The following RANBP2 variants were observed in gnomAD, a reference collection of about 807,000 sequenced individuals.
The protein encoded by RANBP2 is RAN binding protein 2, also known as E3 SUMO-protein ligase RanBP2.
In RANBP2, 57 loss-of-function variants were observed where a neutral mutation model predicts 303.6. The ratio of observed to expected loss-of-function variants is 0.19; its 90% CI spans 0.15 to 0.23. The LOEUF (loss-of-function observed/expected upper bound fraction) is 0.23. RANBP2 is among the 10% of genes least tolerant of loss of function. The probability of loss-of-function intolerance (pLI) is 1.00; values close to 1 mark genes in which losing one functional copy is unlikely to be tolerated. For synonymous variants in RANBP2, 1,167 were observed against 1,301.5 expected (o/e 0.90, Z 2.23); for missense variants, 3,138 against 3,780.8 (o/e 0.83, Z 4.46).
the RANBP2 span, among the ~76,000 whole-genome samples, chr2:109,340,657 C>T: frequency 2.0e-5 from 3 of 152,144 alleles, no homozygotes; most frequent in African/African-American, 7.2e-5. Flanking sequence ...AGCAAGTAGT[C>T]AATGATCATT....
the RANBP2 span, among the ~76,000 whole-genome samples, chr2:109,096,123 C>A: frequency 6.6e-6 from 1 of 152,100 alleles, no homozygotes; most frequent in Admixed American, 6.6e-5. Context: ...GTGTTTTACA[C>A]CTCTGATATT....
At chr2:109,394,057 C>CCCCA in the RANBP2 span, among the ~76,000 whole-genome samples, 1 of 152,130 alleles carries the variant, frequency 6.6e-6, no homozygotes, top group Non-Finnish European at 1.5e-5. Context: ...TTCAACCCAG[C>CCCCA]CCCACCCTCG....
chr2:108,912,851 G>A, the RANBP2 span: 1 of 1,131,206 alleles, frequency 8.8e-7, no homozygotes. Context: ...CTGGATTCAT[G>A]ATCATGAATG....
chr2:109,106,071 T>C, the RANBP2 span, among the ~76,000 whole-genome samples: 7 of 150,294 alleles, frequency 4.7e-5, no homozygotes, highest in Admixed American at 4.0e-4. Flanking sequence ...CCGTGTTAGC[T>C]AAGATGGTCT....
At chr2:109,611,727 A>G in the RANBP2 span, among the ~76,000 whole-genome samples, 3 of 152,178 alleles carry the variant, frequency 2.0e-5, no homozygotes, top group African/African-American at 4.8e-5. Context: ...TCTTGGCACC[A>G]CTGCACTCTA....
At chr2:109,170,298 TCTTCTCTTCTCTTCTCTC>T in the RANBP2 span, among the ~76,000 whole-genome samples, 1,012 of 130,470 alleles carry the variant, frequency 7.8e-3, 31 homozygotes, top group African/African-American at 0.027. Context: ...TCTTCTCTTC[TCTTCTCTTCTCTTCTCTC>T]CTCTCTCTCT....
the RANBP2 span, among the ~76,000 whole-genome samples, chr2:109,674,635 T>A: frequency 1.3e-5 from 2 of 151,972 alleles, no homozygotes; most frequent in African/African-American, 4.8e-5. Context: ...TAAAATAACC[T>A]GCTAAAATTA....
chr2:109,613,314 T>A, the RANBP2 span: 3 of 501,026 alleles, frequency 6.0e-6, no homozygotes, highest in African/African-American at 2.0e-5. Flanking sequence ...AAAATCCCAA[T>A]GGAGGAAAAC....
At chr2:108,937,488 T>TATGTGTATGTGTATGAATGTATGC in the RANBP2 span, among the ~76,000 whole-genome samples, 1 of 151,976 alleles carries the variant, frequency 6.6e-6, no homozygotes, top group East Asian at 1.9e-4. Context: ...TGCATAAGAG[T>TATGTGTATGTGTATGAATGTATGC]ATGTGTATGT....
the RANBP2 span, among the ~76,000 whole-genome samples, chr2:109,404,407 C>T: frequency 6.6e-6 from 1 of 152,216 alleles, no homozygotes; most frequent in Non-Finnish European, 1.5e-5. Context: ...CTCTGAGTAG[C>T]CATGTGGGAA....
chr2:109,710,640 C>T, the RANBP2 span, among the ~76,000 whole-genome samples: 60 of 152,280 alleles, frequency 3.9e-4, 1 homozygote, highest in East Asian at 7.7e-4. Flanking sequence ...CCACAAGGTC[C>T]TAGGGGGCAG....
At chr2:109,053,266 C>T in the RANBP2 span, among the ~76,000 whole-genome samples, 43 of 152,340 alleles carry the variant, frequency 2.8e-4, no homozygotes, top group Non-Finnish European at 5.0e-4. Flanking sequence ...GAGGGCGAAA[C>T]ACTCGGGCAA....
chr2:109,115,895 A>T, the RANBP2 span, among the ~76,000 whole-genome samples: 5 of 152,178 alleles, frequency 3.3e-5, no homozygotes, highest in Non-Finnish European at 7.3e-5. Context: ...TATGAAGCTT[A>T]GTTTGGCTGG....
the RANBP2 span, among the ~76,000 whole-genome samples, chr2:109,408,555 G>A: frequency 2.6e-5 from 4 of 152,310 alleles, no homozygotes; most frequent in South Asian, 4.1e-4. Context: ...TCAGGACCTC[G>A]TCCTCCCATT....
the RANBP2 span, among the ~76,000 whole-genome samples, chr2:109,720,223 C>T: frequency 6.6e-6 from 1 of 151,966 alleles, no homozygotes; most frequent in Non-Finnish European, 1.5e-5. Flanking sequence ...ACCTTCTGAT[C>T]ATTATATATA....
chr2:109,263,402 G>A, the RANBP2 span, among the ~76,000 whole-genome samples: 1 of 152,092 alleles, frequency 6.6e-6, no homozygotes, highest in Non-Finnish European at 1.5e-5. Context: ...TTTATAGGTA[G>A]CTTTTCTGGT....
In RANBP2 at chr2:108,771,852, T is replaced by G; in HGVS notation, c.8001T>G (p.Val2667=). 6.2e-7 allele frequency: 1 copy of G among 1,614,032 alleles called. No homozygotes were observed. Among genetic ancestry groups the G allele is most frequent in the South Asian group, 1.1e-5 (1 of 91,080 alleles). ...GCTACAAGAATAGACCAGATTATGT[T>G]AGTGAAGAAGAGGAGGATGGTAAAA... ...FFCYKNRPDY[V]SEEEEDDEDF... is the part of the protein sequence containing the mutation. Residue 2667 remains valine, a synonymous_variant, in exon 21 of 29, where the codon GTT becomes GTG. Transcript: ENST00000283195.
At chr2:109,733,180 G>GAA in the RANBP2 span, 2,854 of 290,610 alleles carry the variant, frequency 9.8e-3, 3 homozygotes, top group East Asian at 0.017. Context: ...TAGGTCAAAT[G>GAA]AAAAAAAAAA....
At chr2:109,557,720 C>T in the RANBP2 span, among the ~76,000 whole-genome samples, 2 of 152,074 alleles carry the variant, frequency 1.3e-5, no homozygotes, top group African/African-American at 4.8e-5. Flanking sequence ...AGAGAATGGT[C>T]TATAAAGTTA....
Sources: allele counts gnomAD v4.1 joint callset (sites outside exome capture counted in the v4.1 genomes callset), GRCh38; gene constraint gnomAD v4.1.1; transcripts MANE v1.5; gene names NCBI Gene and HGNC (gene_info 2026-07-23, HGNC 2026-07-21).